The following PTK2B variants were observed in gnomAD, a reference collection of about 807,000 sequenced individuals.
PTK2B encodes the protein protein-tyrosine kinase 2-beta.
In PTK2B, 71 loss-of-function variants were observed where a neutral mutation model predicts 142.9. The observed-to-expected ratio is 0.50, with a 90% CI of 0.41 to 0.61. The LOEUF (loss-of-function observed/expected upper bound fraction) is 0.61, where lower values mean the gene tolerates loss of function less well. Among genes scored for constraint, PTK2B ranks in the 20% least tolerant of loss-of-function variants. The pLI is 0.00. For synonymous variants in PTK2B, 519 were observed against 503.4 expected, an observed-to-expected ratio of 1.03 and a Z score of -0.42; for missense variants, 1,105 against 1,320.4, an observed-to-expected ratio of 0.84 and a Z score of 2.53.
intron 19 of PTK2B, 62 bp downstream of exon 19, chr8:27,439,193 G>C (rs1413195554): frequency 5.7e-6 from 9 of 1,573,100 alleles, no homozygotes; most frequent in Non-Finnish European, 7.9e-6. Flanking sequence ...AAAAATTCCA[G>C]AAGAAGGAAG....
rs1233395600 is a variant in PTK2B at position 27,445,821 on chromosome 8, C to G, written c.2242C>G (p.Pro748Ala). The change falls in exon 24 of 31, where the codon CCT becomes GCT. Residue 748 changes from proline (P) to alanine (A), a missense_variant. Transcript: ENST00000346049. ...TCCTGAGGGTCTGTGTGCCAGCTCT[C>G]CTACGCTCACCAGCCCTATGGAGTA... is the stretch of plus-strand genomic sequence containing the variant. ...QVPEGLCASSPTLTSPMEYPS... is the reference protein window; with the variant it reads ...QVPEGLCASSATLTSPMEYPS... 6.2e-7 allele frequency: 1 copy of G among 1,614,052 alleles called. No homozygotes were observed. The highest frequency in any genetic ancestry group is 1.3e-5 in the African/African-American group (1 of 75,048).
intron 1 of PTK2B, among the ~76,000 whole-genome samples, chr8:27,352,943 G>A (rs1231019698): frequency 6.6e-6 from 1 of 152,178 alleles, no homozygotes; most frequent in East Asian, 1.9e-4. Context: ...CTAAACTCAA[G>A]GGGATGGATT....
chr8:27,432,157 A>T, intron 9 of PTK2B, 103 bp from the exon 10 acceptor site: 1 of 937,920 alleles, frequency 1.1e-6, no homozygotes, highest in Non-Finnish European at 1.7e-6. Context: ...TCTCCCAGAG[A>T]AACTCCCAGT....
At chr8:27,346,402 C>T (rs1804713935) in intron 1 of PTK2B, among the ~76,000 whole-genome samples, 1 of 152,130 alleles carries the variant, frequency 6.6e-6, no homozygotes, top group Non-Finnish European at 1.5e-5. Context: ...GAAAATTAGC[C>T]TGGTGTGGGG....
chr8:27,406,867 T>A (rs1808745830), intron 2 of PTK2B, among the ~76,000 whole-genome samples: 1 of 152,158 alleles, frequency 6.6e-6, no homozygotes, highest in African/African-American at 2.4e-5. Context: ...CACCTGCCCC[T>A]CCTGCTCTGA....
At chr8:27,341,672 G>A (rs866485956) in intron 1 of PTK2B, among the ~76,000 whole-genome samples, 1 of 152,164 alleles carries the variant, frequency 6.6e-6, no homozygotes, top group East Asian at 1.9e-4. Flanking sequence ...CTGTGGGGGG[G>A]TTTTGTGTGT....
At chr8:27,374,547 C>T (rs6995758) in intron 1 of PTK2B, among the ~76,000 whole-genome samples, 7,423 of 152,252 alleles carry the variant, frequency 0.049, 497 homozygotes, top group African/African-American at 0.15. Flanking sequence ...GATTGGCTCA[C>T]GTGAATAATT....
intron 2 of PTK2B, among the ~76,000 whole-genome samples, chr8:27,415,645 A>G (rs1167311151): frequency 1.3e-5 from 2 of 152,242 alleles, no homozygotes; most frequent in Non-Finnish European, 2.9e-5. Flanking sequence ...AATGGGCTCC[A>G]GGGGCAAAAA....
intron 1 of PTK2B, among the ~76,000 whole-genome samples, chr8:27,353,062 A>G (rs1320343449): frequency 6.6e-6 from 1 of 152,228 alleles, no homozygotes; most frequent in Admixed American, 6.5e-5. Context: ...AGTCACCTAA[A>G]GGATACAGAG....
At chr8:27,372,650 A>T (rs886293471) in intron 1 of PTK2B, among the ~76,000 whole-genome samples, 11 of 152,176 alleles carry the variant, frequency 7.2e-5, no homozygotes, top group African/African-American at 2.7e-4. Context: ...AGTCAAGTTG[A>T]TACAGAAAAT....
chr8:27,344,982 G>A (rs551922949), intron 1 of PTK2B, among the ~76,000 whole-genome samples: 19 of 152,308 alleles, frequency 1.2e-4, no homozygotes, highest in African/African-American at 4.6e-4. Context: ...GGCCAGCATG[G>A]CAAAACCTCG....
intron 1 of PTK2B, among the ~76,000 whole-genome samples, chr8:27,395,741 A>T (rs895523308): frequency 6.6e-5 from 10 of 152,112 alleles, no homozygotes; most frequent in African/African-American, 2.4e-4. Flanking sequence ...GTAGGATTAA[A>T]CTGTGGTTGT....
Position 27,451,095 on chromosome 8 carries a change from G to GTT in PTK2B, c.2523+17_2523+18insTT. ...TCCCCATTGGTGAGTTGCCAGGAGAGGCCGCCTCCTCCATGCCAAGGCCTG... is the reference window on the plus strand; with the variant it reads ...TCCCCATTGGTGAGTTGCCAGGAGAGTTGCCGCCTCCTCCATGCCAAGGCCTG... On this transcript the variant is annotated intron_variant, in intron 26 of 30. Coordinates refer to ENST00000346049, the MANE Select transcript of PTK2B (RefSeq NM_173176.3). 6.2e-7 allele frequency: 1 copy of GTT among 1,609,834 alleles called. No individual in the cohort carries two copies. The highest frequency in any genetic ancestry group is 1.7e-5 in the Admixed American group (1 of 60,024).
chr8:27,451,749 C>T lies in PTK2B; in HGVS notation c.2548+240C>T, dbSNP rs544565955. 1.6e-5 allele frequency: 22 copies of T among 1,373,008 alleles called. No homozygotes were observed. In the East Asian group the frequency reaches 6.1e-4, roughly 38 times the overall value. The allele number at this position is 1,373,008 out of a possible 1,614,324, so 85.1% of individuals were successfully genotyped here. A position where few individuals can be genotyped will look rare whatever the true frequency, so the allele number is the denominator to read the frequency against. ...TCTCAGTGGCCACATCCTTAGGCCCCTCCTCAGATCATCCCCCTCCTGCAT... is the reference window on the plus strand; with the variant it reads ...TCTCAGTGGCCACATCCTTAGGCCCTTCCTCAGATCATCCCCCTCCTGCAT... On this transcript the variant is annotated intron_variant, in intron 27 of 30. Transcript: ENST00000346049.
intron 2 of PTK2B, among the ~76,000 whole-genome samples, chr8:27,408,027 A>C (rs1226223586): frequency 6.6e-6 from 1 of 152,158 alleles, no homozygotes; most frequent in Non-Finnish European, 1.5e-5. Context: ...TTTGAGGGAG[A>C]GAACTGTTGG....
chr8:27,374,604 G>A (rs1360748386), intron 1 of PTK2B, among the ~76,000 whole-genome samples: 1 of 152,192 alleles, frequency 6.6e-6, no homozygotes. Flanking sequence ...CAGTTACCTG[G>A]TACCTACTCT....
chr8:27,450,680 G>A (rs1454285574), intron 24 of PTK2B, 69 bp from the exon 25 acceptor site: 13 of 1,583,434 alleles, frequency 8.2e-6, no homozygotes, highest in African/African-American at 1.3e-5. Context: ...TTCTTCAGAG[G>A]ACTGTCCCTC....
At chr8:27,422,565 G>A (rs774393753) in intron 5 of PTK2B, among the ~76,000 whole-genome samples, 182 bp downstream of exon 5, 1 of 152,170 alleles carries the variant, frequency 6.6e-6, no homozygotes, top group Non-Finnish European at 1.5e-5. Context: ...GGATGGCAGG[G>A]GTAGATGGGC....
In PTK2B at chr8:27,439,101, C is replaced by T. The variant is rs771994511; in HGVS notation, c.1714C>T (p.Arg572Trp). The stretch of plus-strand genomic sequence containing the variant: ...GAAGCTGGGGGACTTTGGTCTTTCC[C>T]GGTACATTGAGGACGAGGACTATTA... Reference protein sequence around the residue: ...CVKLGDFGLSRYIEDEDYYKA... With the variant: ...CVKLGDFGLSWYIEDEDYYKA... The change falls in exon 19 of 31, where the codon CGG (arginine) becomes TGG (tryptophan). Residue 572 changes from arginine (R) to tryptophan (W), a missense_variant. By Grantham distance (101) the Arg-to-Trp change is moderately radical (BLOSUM62 -3). Coordinates refer to ENST00000346049, the MANE Select transcript of PTK2B (RefSeq NM_173176.3). 1.8e-5 allele frequency: 29 copies of T among 1,613,774 alleles called. No individual in the cohort carries two copies. The highest frequency in any genetic ancestry group is 1.9e-5 in the Non-Finnish European group (23 of 1,179,836).
Sources: allele counts gnomAD v4.1 joint callset (sites outside exome capture counted in the v4.1 genomes callset), GRCh38; gene constraint gnomAD v4.1.1; transcripts MANE v1.5; gene names NCBI Gene and HGNC (gene_info 2026-07-23, HGNC 2026-07-21).